Variants in PCDHA10 observed in about 807,000 individuals in gnomAD.
PCDHA10 encodes the protein protocadherin alpha-10.
PCDHA10 carries 45 observed loss-of-function variants against 61.2 expected under a neutral mutation model. The observed-to-expected ratio is 0.74, with a 90% CI of 0.58 to 0.94. The LOEUF is 0.94. PCDHA10 is among the 40% of genes least tolerant of loss of function. The pLI, the probability that PCDHA10 is intolerant of heterozygous loss-of-function variation, is 0.00. For synonymous variants in PCDHA10, 602 were observed against 548.8 expected, an observed-to-expected ratio of 1.10 and a Z score of -1.35; for missense variants, 1,278 against 1,236.2, an observed-to-expected ratio of 1.03 and a Z score of -0.51.
At chr5:140,917,117 C>A (rs1318149439) in intron 1 of PCDHA10, among the ~76,000 whole-genome samples, 1 of 152,018 alleles carries the variant, frequency 6.6e-6, no homozygotes, top group Non-Finnish European at 1.5e-5. Flanking sequence ...CCTCCAAGTG[C>A]GCAGACTCCC....
At chr5:140,945,024 A>G (rs1554216669) in intron 1 of PCDHA10, among the ~76,000 whole-genome samples, 1 of 152,122 alleles carries the variant, frequency 6.6e-6, no homozygotes, top group Non-Finnish European at 1.5e-5. Flanking sequence ...TTTTACTCAG[A>G]CATAATTATC....
chr5:140,894,821 C>T, intron 1 of PCDHA10, among the ~76,000 whole-genome samples: 1 of 151,806 alleles, frequency 6.6e-6, no homozygotes, highest in Non-Finnish European at 1.5e-5. Context: ...TCAGATTTGC[C>T]CATAATCCTT....
At chr5:140,967,844 G>A in intron 1 of PCDHA10, 1 of 1,614,178 alleles carries the variant, frequency 6.2e-7, no homozygotes, top group Non-Finnish European at 8.5e-7. Flanking sequence ...GGACGTGAAT[G>A]ACAATGCCCC....
rs200722492 is a variant in PCDHA10, at chr5:140,856,425, A to T, written c.377A>T (p.Asn126Ile). ...FHVDVEVKDI[N>I]DNPPRFSVTE... is the part of the protein sequence containing the mutation. ...GTGGACGTGGAAGTGAAGGACATTAACGACAACCCGCCCAGGTTCTCCGTA... is the reference window on the plus strand; with the variant it reads ...GTGGACGTGGAAGTGAAGGACATTATCGACAACCCGCCCAGGTTCTCCGTA... The change falls in exon 1 of 4, where the codon AAC (asparagine) becomes ATC (isoleucine). Residue 126 changes from asparagine (N) to isoleucine (I), a missense_variant. By Grantham distance (149) the Asn-to-Ile change is moderately radical. Transcript: ENST00000307360. The T allele has an allele frequency of 2.3e-5, 37 of 1,598,204 alleles. 1 individual carries two copies. The highest frequency in any genetic ancestry group is 1.9e-4 in the Admixed American group (11 of 59,214).
rs782673398 is a variant in PCDHA10, at chr5:140,875,932, C to A, written c.2388+17496C>A. ...TGCGCCTCTGGACTCTCATTTTCCTCTAGAGGGCGCTTCTGATGCGGATAT... is the reference window on the plus strand; with the variant it reads ...TGCGCCTCTGGACTCTCATTTTCCTATAGAGGGCGCTTCTGATGCGGATAT... On this transcript the variant is annotated intron_variant, in intron 1 of 3. Coordinates refer to ENST00000307360, the MANE Select transcript of PCDHA10 (RefSeq NM_018901.4). The A allele has an allele frequency of 3.1e-6, 5 of 1,614,154 alleles. No individual in the cohort carries two copies.
At chr5:140,982,845 C>A (rs1436674965) in intron 3 of PCDHA10, among the ~76,000 whole-genome samples, 1 of 151,978 alleles carries the variant, frequency 6.6e-6, no homozygotes, top group Non-Finnish European at 1.5e-5. Flanking sequence ...TTGTTTAAAT[C>A]AGGTACCTTT....
intron 1 of PCDHA10, among the ~76,000 whole-genome samples, chr5:140,965,125 C>A (rs571083058): frequency 6.6e-6 from 1 of 152,308 alleles, no homozygotes; most frequent in Non-Finnish European, 1.5e-5. Context: ...GGAAGATCTA[C>A]AGATGACAGA....
rs781922775 is a variant in PCDHA10 at position 140,856,490 on chromosome 5, G to C, written c.442G>C (p.Asp148His). Residue 148 changes from aspartate to histidine, a missense_variant, in exon 1 of 4, where the codon GAC (aspartate) becomes CAC (histidine). Coordinates refer to ENST00000307360, the MANE Select transcript of PCDHA10 (RefSeq NM_018901.4). Reference sequence around the variant, plus strand: ...CTCAATACCTGAATCCAGACTGCTTGACTCTCGATTTCCACTAGAAGGCGC... The same window carrying C: ...CTCAATACCTGAATCCAGACTGCTTCACTCTCGATTTCCACTAGAAGGCGC... The part of the protein sequence containing the change: ...KLSIPESRLL[D>H]SRFPLEGASD... 1.9e-6 allele frequency: 3 copies of C among 1,598,350 alleles called. 1 individual carries two copies. The highest frequency in any genetic ancestry group is 2.6e-6 in the Non-Finnish European group (3 of 1,167,864).
Position 140,927,871 on chromosome 5 carries a change from C to T in PCDHA10, c.2389-51078C>T, listed in dbSNP as rs376396178. The T allele has an allele frequency of 5.6e-6, 9 of 1,614,048 alleles. No individual in the cohort carries two copies. In the African/African-American group the frequency reaches 1.2e-4, roughly 22 times the overall value. ...TGGTTTAGCTAGCACCGCTAAACTG[C>T]TGGTGGAGGTGACTGACGTGAACGA... On this transcript the variant is annotated intron_variant, in intron 1 of 3. Coordinates refer to ENST00000307360, the MANE Select transcript of PCDHA10 (RefSeq NM_018901.4).
chr5:140,927,445 T>C (rs2084204838), intron 1 of PCDHA10: 1 of 1,613,580 alleles, frequency 6.2e-7, no homozygotes, highest in Non-Finnish European at 8.5e-7. Context: ...ATACCCGGAG[T>C]TGGTGTTGGA....
At chr5:140,940,636 C>A (rs1554213535) in intron 1 of PCDHA10, among the ~76,000 whole-genome samples, 1 of 152,106 alleles carries the variant, frequency 6.6e-6, no homozygotes. Flanking sequence ...TTAAGCTTGT[C>A]ATTTATTTAT....
intron 1 of PCDHA10, chr5:140,877,206 C>G (rs782807049): frequency 6.2e-7 from 1 of 1,613,768 alleles, no homozygotes; most frequent in South Asian, 1.1e-5. Context: ...GCGCAGTTAG[C>G]GAGTTGGTAC....
intron 1 of PCDHA10, chr5:140,968,831 C>T (rs1469537973): frequency 1.2e-6 from 2 of 1,614,020 alleles, no homozygotes; most frequent in Non-Finnish European, 8.5e-7. Flanking sequence ...CAAAATCCTC[C>T]CTGACACTCA....
At chr5:140,897,758 C>T (rs2066305789) in intron 1 of PCDHA10, among the ~76,000 whole-genome samples, 3 of 152,140 alleles carry the variant, frequency 2.0e-5, no homozygotes, top group Non-Finnish European at 4.4e-5. Context: ...CCTGAGGAAT[C>T]GCCACACTGA....
At chr5:140,997,481 A>G (rs1563624223) in intron 3 of PCDHA10, among the ~76,000 whole-genome samples, 1 of 152,224 alleles carries the variant, frequency 6.6e-6, no homozygotes, top group Non-Finnish European at 1.5e-5. Flanking sequence ...ACACAATGAT[A>G]AGTATTTGTG....
intron 1 of PCDHA10, among the ~76,000 whole-genome samples, chr5:140,954,191 G>C (rs201162017): frequency 2.0e-5 from 3 of 152,150 alleles, no homozygotes; most frequent in Non-Finnish European, 4.4e-5. Flanking sequence ...TCATTGATGG[G>C]CATTTGGGTT....
chr5:141,001,520 C>G (rs542518188), intron 3 of PCDHA10, among the ~76,000 whole-genome samples: 1 of 152,300 alleles, frequency 6.6e-6, no homozygotes, highest in South Asian at 2.1e-4. Flanking sequence ...CTTTCTCCCT[C>G]TCTCTCTGAT....
At chr5:140,887,357 A>G (rs112910602) in intron 1 of PCDHA10, among the ~76,000 whole-genome samples, 1 of 152,032 alleles carries the variant, frequency 6.6e-6, no homozygotes, top group Non-Finnish European at 1.5e-5. Flanking sequence ...CGGCCTCCCA[A>G]AGTGCTGGGA....
chr5:140,884,217 T>A (rs782181432), intron 1 of PCDHA10: 4 of 1,613,448 alleles, frequency 2.5e-6, no homozygotes, highest in Non-Finnish European at 3.4e-6. Flanking sequence ...CTTCTGGTGC[T>A]GGTGAAGGAC....
Sources: gnomAD v4.1 joint callset for allele counts (sites outside exome capture counted in the v4.1 genomes callset) on GRCh38, gnomAD v4.1.1 for gene constraint, MANE v1.5 for transcripts, NCBI Gene and HGNC (gene_info 2026-07-23, HGNC 2026-07-21) for gene names.